SIRPB1: variants seen among roughly 807,000 people sequenced by gnomAD.
SIRPB1 encodes the protein signal regulatory protein beta 1.
SIRPB1 carries 28 observed loss-of-function variants against 34.1 expected under a neutral mutation model. That is an observed-to-expected ratio of 0.82 (90% confidence interval 0.61 to 1.12). The LOEUF (loss-of-function observed/expected upper bound fraction) is 1.12, where lower values mean the gene tolerates loss of function less well. Ranked by LOEUF, SIRPB1 falls within the 50% of genes most tolerant of loss-of-function variation. The pLI is 0.00. For synonymous variants in SIRPB1, 211 were observed against 203.8 expected, an observed-to-expected ratio of 1.04 and a Z score of -0.30; for missense variants, 499 against 507.0, an observed-to-expected ratio of 0.98 and a Z score of 0.15.
rs570007072 is a variant in SIRPB1, at chr20:1,580,215, C to A, written c.77-1521G>T. On this transcript the variant is annotated intron_variant, in intron 1 of 5. Transcript: ENST00000381605. ...CCTTTCCAAATTCTAGAGGTTTCTC[C>A]CATCCCTTTCTCACAGTTACATCTT... 7.3e-3 allele frequency among the ~76,000 whole-genome samples: 1,074 copies of A among 147,628 alleles called. 25 individuals carry two copies. The highest frequency in any genetic ancestry group is 0.025 in the African/African-American group (1,023 of 40,326).
chr20:1,570,534 A>T, intron 4 of SIRPB1: 1 of 329,418 alleles, frequency 3.0e-6, no homozygotes, highest in Middle Eastern at 8.9e-4. Context: ...TTTTTCCTTT[A>T]ATGTATATTT....
rs2091084086 is a variant in SIRPB1 at position 1,561,622 on chromosome 20, CATG to C, written c.*3875_*3877del. ...ATTGAAATTTGTCTGATGTTTTCCT[CATG>C]ATTAGATTGGGGTTGTGAGTTTTGG... On this transcript the variant is annotated 3_prime_UTR_variant, in exon 6 of 6. Coordinates refer to ENST00000381605, the MANE Select transcript of SIRPB1 (RefSeq NM_006065.5). 6.6e-6 allele frequency among the ~76,000 whole-genome samples: 1 copy of C among 152,094 alleles called. No individual in the cohort carries two copies. The highest frequency in any genetic ancestry group is 2.4e-5 in the African/African-American group (1 of 41,396).
Position 1,566,151 on chromosome 20 carries a change from A to T in SIRPB1, c.*2+2T>A. The T allele has an allele frequency of 6.3e-7, 1 of 1,591,764 alleles. No individual in the cohort carries two copies. Among genetic ancestry groups the T allele is most frequent in the Non-Finnish European group, 8.6e-7 (1 of 1,165,962 alleles). On this transcript the variant is annotated splice_donor_variant, in intron 5 of 5. Coordinates refer to ENST00000381605, the MANE Select transcript of SIRPB1 (RefSeq NM_006065.5). LOFTEE classifies it low-confidence loss of function (3UTR_SPLICE). ...GGTCAGTCCTCCCTCTCCTAAACTT[A>T]CAGTCAGGCCTTCTGTTTCCAGCAG...
Position 1,563,248 on chromosome 20 carries a change from C to A in SIRPB1, c.*2252G>T, listed in dbSNP as rs1354416432. ...GTGGCTCATGCCTGTAATCCCAGCA[C>A]TTTGGGAGGCCAAGACAGGTGGATC... On this transcript the variant is annotated 3_prime_UTR_variant, in exon 6 of 6. Coordinates refer to ENST00000381605, the MANE Select transcript of SIRPB1 (RefSeq NM_006065.5). 1.3e-5 allele frequency among the ~76,000 whole-genome samples: 2 copies of A among 152,130 alleles called. No homozygotes were observed. The highest frequency in any genetic ancestry group is 2.9e-5 in the Non-Finnish European group (2 of 68,020).
intron 1 of SIRPB1, among the ~76,000 whole-genome samples, chr20:1,618,121 C>T (rs147257226): frequency 5.9e-5 from 9 of 152,172 alleles, no homozygotes; most frequent in East Asian, 1.9e-4. Context: ...TTACAACACA[C>T]GTTAAAATCT....
chr20:1,613,688 T>C (rs1041027529), intron 1 of SIRPB1, among the ~76,000 whole-genome samples: 56 of 152,238 alleles, frequency 3.7e-4, no homozygotes, highest in South Asian at 1.4e-3. Flanking sequence ...GACTGAGGTA[T>C]TGGTGGAAAA....
At position 1,578,481 on chromosome 20, in the gene SIRPB1, T is replaced by G. The variant is rs1356228983; in HGVS notation, c.290A>C (p.Lys97Thr). The change falls in exon 2 of 6, where the codon AAG becomes ACG. Residue 97 changes from lysine (K) to threonine (T), a missense_variant. By Grantham distance (78) the Lys-to-Thr change is moderately conservative. Transcript: ENST00000381605. ...PRVTTVSELT[K>T]RNNLDFSISI... The stretch of plus-strand genomic sequence containing the variant: ...GATGGAAAAGTCCAGGTTGTTTCTC[T>G]TTGTGAGTTCTGAAACAGTTGTTAC... 6.3e-7 allele frequency: 1 copy of G among 1,584,054 alleles called. No individual in the cohort carries two copies. Among genetic ancestry groups the G allele is most frequent in the African/African-American group, 1.4e-5 (1 of 73,878 alleles).
At chr20:1,614,023 A>T (rs1179300380) in intron 1 of SIRPB1, among the ~76,000 whole-genome samples, 1 of 152,218 alleles carries the variant, frequency 6.6e-6, no homozygotes, top group Non-Finnish European at 1.5e-5. Flanking sequence ...TACATAAAAG[A>T]GACCCTCAAT....
rs1252853179 is a variant in SIRPB1, at chr20:1,619,920, G to A, written c.25C>T (p.His9Tyr). ...ATCAGCAGGAAAGGACTAGGAAGGT[G>A]GGGCCAGGAGGCTGGCACGGGCATT... MPVPASWP[H>Y]LPSPFLLMTL... Residue 9 changes from histidine to tyrosine, a missense_variant, in exon 1 of 6, where the codon CAC becomes TAC. By Grantham distance (83) the His-to-Tyr change is moderately conservative (BLOSUM62 2). Coordinates refer to ENST00000381605, the MANE Select transcript of SIRPB1 (RefSeq NM_006065.5). 1.2e-6 allele frequency: 2 copies of A among 1,613,886 alleles called. No individual in the cohort carries two copies.
chr20:1,616,197 C>T (rs1444108547), intron 1 of SIRPB1, among the ~76,000 whole-genome samples: 1 of 152,110 alleles, frequency 6.6e-6, no homozygotes, highest in Non-Finnish European at 1.5e-5. Context: ...TGACATTTTC[C>T]TCAGAAATGG....
At chr20:1,569,836 G>A (rs143783305) in intron 4 of SIRPB1, among the ~76,000 whole-genome samples, 5 of 152,304 alleles carry the variant, frequency 3.3e-5, no homozygotes, top group East Asian at 1.9e-4. Context: ...GGATGTATTC[G>A]GGTCAAAGCA....
In SIRPB1 at chr20:1,571,853, G is replaced by A; in HGVS notation, c.618C>T (p.Tyr206=). The A allele has an allele frequency of 1.2e-6, 2 of 1,614,222 alleles. No individual in the cohort carries two copies. The highest frequency in any genetic ancestry group is 1.7e-6 in the Non-Finnish European group (2 of 1,180,020). The part of the protein sequence containing the change: ...NVDPAGDSVS[Y]SIHSTARVVL... ...CCACCCTGGCTGTGCTGTGGATGCT[G>A]TAGGACACACTGTCTCCTGCGGGGT... Residue 206 remains tyrosine (Y), a synonymous_variant, in exon 3 of 6, where the codon TAC becomes TAT. Coordinates refer to ENST00000381605, the MANE Select transcript of SIRPB1 (RefSeq NM_006065.5).
At chr20:1,568,606 G>T (rs2091177305) in intron 4 of SIRPB1, among the ~76,000 whole-genome samples, 1 of 152,164 alleles carries the variant, frequency 6.6e-6, no homozygotes, top group Non-Finnish European at 1.5e-5. Context: ...AGGTGGAAGA[G>T]CGAGGTAAGA....
rs751888659 is a variant in SIRPB1 at position 1,566,153 on chromosome 20, A to T, written c.*2T>A. ...TCAGTCCTCCCTCTCCTAAACTTACAGTCAGGCCTTCTGTTTCCAGCAGAT... is the reference window on the plus strand; with the variant it reads ...TCAGTCCTCCCTCTCCTAAACTTACTGTCAGGCCTTCTGTTTCCAGCAGAT... On this transcript the variant is annotated splice_region_variant and 3_prime_UTR_variant, in exon 5 of 6. Transcript: ENST00000381605. 1 of 1,594,762 alleles carries T rather than the reference A, an allele frequency of 6.3e-7. No individual in the cohort carries two copies. The highest frequency in any genetic ancestry group is 8.6e-7 in the Non-Finnish European group (1 of 1,167,978).
In SIRPB1 at chr20:1,602,919, C is replaced by T. The variant is rs1463614188; in HGVS notation, c.76+16950G>A. 1.4e-4 allele frequency among the ~76,000 whole-genome samples: 7 copies of T among 49,224 alleles called. 3 individuals carry two copies. Among genetic ancestry groups the T allele is most frequent in the Admixed American group, 8.1e-4 (6 of 7,374 alleles). 32.3% of individuals were successfully genotyped at this position (49,224 alleles called of 152,430 possible). ...CCTTCTAAAAGTCTTCTGGAATAGACACCCCTCCTGGTATTATATGAGAGG... is the reference window on the plus strand; with the variant it reads ...CCTTCTAAAAGTCTTCTGGAATAGATACCCCTCCTGGTATTATATGAGAGG... On this transcript the variant is annotated intron_variant, in intron 1 of 5. Transcript: ENST00000381605.
chr20:1,615,226 T>G (rs1318311992), intron 1 of SIRPB1, among the ~76,000 whole-genome samples: 4 of 152,234 alleles, frequency 2.6e-5, no homozygotes, highest in Non-Finnish European at 4.4e-5. Flanking sequence ...GCTGTGTCTT[T>G]CATGCCTCTT....
rs770777016 is a variant in SIRPB1 at position 1,578,547 on chromosome 20, C to T, written c.224G>A (p.Arg75Gln). The change falls in exon 2 of 6, where the codon CGG (arginine) becomes CAG (glutamine). Residue 75 changes from arginine to glutamine, a missense_variant. Coordinates refer to ENST00000381605, the MANE Select transcript of SIRPB1 (RefSeq NM_006065.5). ...IMWFRGAGAG[R>Q]ELIYNQKEGH... is the part of the protein sequence containing the mutation. ...TTCTTTCTGATTGTAGATTAATTCCCGGCCTGCTCCAGCTCCTCTAAACCA... is the reference window on the plus strand; with the variant it reads ...TTCTTTCTGATTGTAGATTAATTCCTGGCCTGCTCCAGCTCCTCTAAACCA... 62 of 1,583,686 alleles carry T rather than the reference C, an allele frequency of 3.9e-5. No homozygotes were observed. In the South Asian group the frequency reaches 5.4e-4, roughly 14 times the overall value.
Position 1,589,996 on chromosome 20 carries a change from G to T in SIRPB1, c.77-11302C>A, listed in dbSNP as rs1237542657. On this transcript the variant is annotated intron_variant, in intron 1 of 5. Transcript: ENST00000381605. The stretch of plus-strand genomic sequence containing the variant: ...CATGCACCTTGTAGAGATGGGGTAG[G>T]AATAATATAAACCATAATGAATGCT... Among the ~76,000 whole-genome samples, 4 of 49,218 alleles carry T rather than the reference G, an allele frequency of 8.1e-5. 2 individuals are homozygous for T. The highest frequency in any genetic ancestry group is 1.6e-4 in the Non-Finnish European group (4 of 25,510). 32.3% of individuals were successfully genotyped at this position (49,218 alleles called of 152,430 possible). A position where few individuals can be genotyped will look rare whatever the true frequency, so the allele number is the denominator to read the frequency against.
chr20:1,571,481 T>C (rs2091235968), intron 3 of SIRPB1, among the ~76,000 whole-genome samples: 1 of 152,194 alleles, frequency 6.6e-6, no homozygotes, highest in East Asian at 1.9e-4. Flanking sequence ...TGCTCACTAA[T>C]TGTAGTTGCT....
Sources: allele counts gnomAD v4.1 joint callset (sites outside exome capture counted in the v4.1 genomes callset), GRCh38; gene constraint gnomAD v4.1.1; transcripts MANE v1.5; gene names NCBI Gene and HGNC (gene_info 2026-07-23, HGNC 2026-07-21).